KCTD16: variants seen among roughly 807,000 people sequenced by gnomAD.
KCTD16 encodes the protein potassium channel tetramerization domain containing 16.
In KCTD16, 13 loss-of-function variants were observed where a neutral mutation model predicts 33.2. The observed-to-expected ratio is 0.39, with a 90% confidence interval of 0.25 to 0.62. The LOEUF (loss-of-function observed/expected upper bound fraction) is 0.62, where lower values mean the gene tolerates loss of function less well. Ranked by LOEUF, KCTD16 falls within the 20% of genes least tolerant of loss-of-function variation. The pLI, the probability that KCTD16 is intolerant of heterozygous loss-of-function variation, is 0.50. For missense variants in KCTD16, 441 were observed against 525.1 expected, an observed-to-expected ratio of 0.84 and a Z score of 1.57; for synonymous variants, 197 against 195.3, an observed-to-expected ratio of 1.01 and a Z score of -0.07.
intron 2 of KCTD16, among the ~76,000 whole-genome samples, chr5:144,182,914 C>T (rs1302648701): frequency 6.6e-6 from 1 of 152,036 alleles, no homozygotes; most frequent in Non-Finnish European, 1.5e-5. Context: ...TTTGTTGTTA[C>T]TTAACACATA....
chr5:144,390,825 C>T (rs1752433201), intron 3 of KCTD16, among the ~76,000 whole-genome samples: 1 of 152,120 alleles, frequency 6.6e-6, no homozygotes, highest in Non-Finnish European at 1.5e-5. Context: ...TGGTTTGCAG[C>T]TTCATCCATG....
chr5:144,393,963 CTTTTT>C (rs70995050), intron 3 of KCTD16, among the ~76,000 whole-genome samples: 1 of 121,980 alleles, frequency 8.2e-6, no homozygotes, highest in Admixed American at 8.2e-5. Flanking sequence ...TTTCTTTTTT[CTTTTT>C]TTTTTTTTTT....
intron 3 of KCTD16, among the ~76,000 whole-genome samples, chr5:144,307,914 C>G (rs990596889): frequency 6.6e-6 from 1 of 152,126 alleles, no homozygotes. Flanking sequence ...CTTGGCCCAG[C>G]CGTGTGGTAG....
At chr5:144,438,937 A>G (rs1221307356) in intron 3 of KCTD16, among the ~76,000 whole-genome samples, 1 of 152,146 alleles carries the variant, frequency 6.6e-6, no homozygotes, top group Admixed American at 6.6e-5. Context: ...TCGGTTAGAC[A>G]CCAAATTCTA....
At chr5:144,469,557 C>T (rs1414004371) in intron 3 of KCTD16, among the ~76,000 whole-genome samples, 3 of 152,070 alleles carry the variant, frequency 2.0e-5, no homozygotes, top group Non-Finnish European at 2.9e-5. Context: ...CTTAGTGTGC[C>T]GCAAATTATG....
intron 3 of KCTD16, among the ~76,000 whole-genome samples, chr5:144,387,560 G>A (rs541660845): frequency 1.3e-5 from 2 of 152,040 alleles, no homozygotes; most frequent in Non-Finnish European, 2.9e-5. Flanking sequence ...AAAGAATCAG[G>A]TACTCTTTTG....
chr5:144,227,056 CT>C (rs1351060055), intron 3 of KCTD16, among the ~76,000 whole-genome samples: 2 of 152,168 alleles, frequency 1.3e-5, no homozygotes, highest in Non-Finnish European at 2.9e-5. Flanking sequence ...ACATAGCTGT[CT>C]GCCTTCAAGG....
At chr5:144,470,996 G>A (rs192506912) in intron 3 of KCTD16, among the ~76,000 whole-genome samples, 99 of 152,242 alleles carry the variant, frequency 6.5e-4, no homozygotes, top group Middle Eastern at 3.4e-3. Context: ...GCCTGGCTAT[G>A]GTGAAACCGC....
At chr5:144,339,084 AG>A (rs1481847851) in intron 3 of KCTD16, among the ~76,000 whole-genome samples, 2 of 152,206 alleles carry the variant, frequency 1.3e-5, no homozygotes, top group Admixed American at 6.5e-5. Context: ...TACCTAGATT[AG>A]CATCACGTTT....
chr5:144,324,861 G>C (rs1487944714), intron 3 of KCTD16, among the ~76,000 whole-genome samples: 1 of 152,172 alleles, frequency 6.6e-6, no homozygotes, highest in Non-Finnish European at 1.5e-5. Context: ...CATTTATTAA[G>C]TGGGAGCTGA....
intron 3 of KCTD16, among the ~76,000 whole-genome samples, chr5:144,434,429 G>C (rs1284734099): frequency 6.6e-5 from 10 of 152,084 alleles, no homozygotes; most frequent in Non-Finnish European, 1.3e-4. Flanking sequence ...TCCTGAATGA[G>C]GGAGGGGTGT....
intron 3 of KCTD16, among the ~76,000 whole-genome samples, chr5:144,472,206 G>A (rs712174): frequency 0.43 from 65,021 of 152,058 alleles, 14,124 homozygotes; most frequent in East Asian, 0.67. Context: ...AATATCATAA[G>A]GGAATTTGTT....
At position 144,340,271 on chromosome 5, in the gene KCTD16, G is replaced by A. The variant is rs186806540; in HGVS notation, c.832+132725G>A. 3.7e-3 allele frequency among the ~76,000 whole-genome samples: 569 copies of A among 151,952 alleles called. 7 individuals are homozygous for A. Among genetic ancestry groups the A allele is most frequent in the Non-Finnish European group, 4.5e-3 (308 of 67,918 alleles). ...CAAAAAATTAGCTGGGCATGGTGACGGGTACCTATAGTCCCAGCTATTCGA... is the reference window on the plus strand; with the variant it reads ...CAAAAAATTAGCTGGGCATGGTGACAGGTACCTATAGTCCCAGCTATTCGA... On this transcript the variant is annotated intron_variant, in intron 3 of 3. Coordinates refer to ENST00000512467, the MANE Select transcript of KCTD16 (RefSeq NM_020768.4).
At chr5:144,410,518 G>C (rs747236973) in intron 3 of KCTD16, among the ~76,000 whole-genome samples, 4 of 152,048 alleles carry the variant, frequency 2.6e-5, no homozygotes, top group Non-Finnish European at 5.9e-5. Context: ...ACTAATACTA[G>C]ATTGTACAGT....
chr5:144,263,967 G>T lies in KCTD16; in HGVS notation c.832+56421G>T, dbSNP rs149915289. ...TACTTATAAGGGCATTAATTTCAGC[G>T]TGGGGTTCCACCCTCATAAACCTCA... On this transcript the variant is annotated intron_variant, in intron 3 of 3. Coordinates refer to ENST00000512467, the MANE Select transcript of KCTD16 (RefSeq NM_020768.4). 1.3e-3 allele frequency among the ~76,000 whole-genome samples: 198 copies of T among 152,248 alleles called. 4 individuals carry two copies. In the East Asian group the frequency reaches 0.036, roughly 28 times the overall value.
intron 3 of KCTD16, among the ~76,000 whole-genome samples, chr5:144,407,690 T>A (rs1164778198): frequency 6.6e-6 from 1 of 152,162 alleles, no homozygotes; most frequent in Non-Finnish European, 1.5e-5. Flanking sequence ...GCTTTCCCTC[T>A]CCTTGCCTCC....
intron 3 of KCTD16, among the ~76,000 whole-genome samples, chr5:144,326,690 C>CAA (rs541424191): frequency 8.3e-5 from 11 of 131,844 alleles, no homozygotes; most frequent in Non-Finnish European, 1.2e-4. Context: ...TTGTAATTCA[C>CAA]AAAAAAAAAA....
rs538778749 is a variant in KCTD16, at chr5:144,272,310, A to G, written c.832+64764A>G. The stretch of plus-strand genomic sequence containing the variant: ...CCAGATGTGGTGATCCATACCTGTA[A>G]TTTCAGCTACTCAGGAGGCCGAAGC... On this transcript the variant is annotated intron_variant, in intron 3 of 3. Coordinates refer to ENST00000512467, the MANE Select transcript of KCTD16 (RefSeq NM_020768.4). Among the ~76,000 whole-genome samples, 51 of 152,198 alleles carry G rather than the reference A, an allele frequency of 3.4e-4. 1 individual carries two copies. The South Asian group carries it at 0.01, about 31-fold the overall frequency.
intron 3 of KCTD16, among the ~76,000 whole-genome samples, chr5:144,297,368 G>C (rs1320689887): frequency 6.6e-6 from 1 of 152,172 alleles, no homozygotes; most frequent in Non-Finnish European, 1.5e-5. Flanking sequence ...CTAAGAAGAA[G>C]GTCTGAAGTC....
Sources: gnomAD v4.1 joint callset for allele counts (sites outside exome capture counted in the v4.1 genomes callset) on GRCh38, gnomAD v4.1.1 for gene constraint, MANE v1.5 for transcripts, NCBI Gene and HGNC (gene_info 2026-07-23, HGNC 2026-07-21) for gene names.